The following HHIP variants were observed in gnomAD, a reference collection of about 807,000 sequenced individuals.
HHIP encodes the protein hedgehog interacting protein, also known as hedgehog-interacting protein.
HHIP carries 12 observed loss-of-function variants against 74.0 expected under a neutral mutation model. The ratio of observed to expected loss-of-function variants is 0.16; its 90% CI spans 0.10 to 0.26. The LOEUF is 0.26. Among genes scored for constraint, HHIP ranks in the 10% least tolerant of loss-of-function variants. HHIP has a pLI of 1.00. For synonymous variants in HHIP, 309 were observed against 311.6 expected (o/e 0.99, Z 0.09); for missense variants, 788 against 845.0 (o/e 0.93, Z 0.84).
chr4:144,650,937 T>G lies in HHIP; in HGVS notation c.280-1668T>G, dbSNP rs148941043. 6.1e-4 allele frequency: 93 copies of G among 152,218 alleles called. 2 individuals are homozygous for G. Among genetic ancestry groups the G allele is most frequent in the African/African-American group, 2.2e-3 (92 of 41,582 alleles). The allele number at this position is 152,218 out of a possible 1,614,324, so 9.4% of individuals were successfully genotyped here. On this transcript the variant is annotated intron_variant, in intron 1 of 12. Transcript: ENST00000296575. ...CAGCTATAAAAAATGGAAGAATGCA[T>G]AATCTCCATAAAACCAAAGGTAATT...
intron 4 of HHIP, among the ~76,000 whole-genome samples, chr4:144,666,175 A>G (rs919588519): frequency 6.6e-6 from 1 of 151,892 alleles, no homozygotes; most frequent in Non-Finnish European, 1.5e-5. Flanking sequence ...ACATCACAAA[A>G]CTATCTCTAA....
chr4:144,713,245 A>G (rs1029344484), intron 8 of HHIP, among the ~76,000 whole-genome samples: 1 of 152,120 alleles, frequency 6.6e-6, no homozygotes, highest in Admixed American at 6.6e-5. Flanking sequence ...TAATTGTCAC[A>G]CAACACAAAG....
intron 4 of HHIP, among the ~76,000 whole-genome samples, chr4:144,678,930 T>G (rs903145932): frequency 3.3e-5 from 5 of 152,220 alleles, no homozygotes; most frequent in Admixed American, 6.5e-5. Context: ...GTATTTCCGG[T>G]TCTAGATCCT....
chr4:144,693,744 G>T (rs555992011), intron 4 of HHIP, among the ~76,000 whole-genome samples: 21 of 151,762 alleles, frequency 1.4e-4, no homozygotes, highest in Non-Finnish European at 2.7e-4. Flanking sequence ...GAATGGAGTA[G>T]ACCATAATTT....
intron 3 of HHIP, 130 bp from the exon 4 acceptor site, chr4:144,659,505 TGG>T (rs1289949835): frequency 3.7e-6 from 2 of 539,750 alleles, no homozygotes; most frequent in Non-Finnish European, 6.2e-6. Flanking sequence ...TTGTGACCCT[TGG>T]GTTAGCAAGC....
intron 4 of HHIP, among the ~76,000 whole-genome samples, chr4:144,704,271 T>C (rs551253817): frequency 1.8e-4 from 27 of 152,298 alleles, no homozygotes; most frequent in Non-Finnish European, 3.1e-4. Context: ...GACCCAAAAA[T>C]GAGATCATAT....
At chr4:144,728,422 AAGAT>A (rs1303575691) in intron 11 of HHIP, among the ~76,000 whole-genome samples, 16 of 152,334 alleles carry the variant, frequency 1.1e-4, no homozygotes, top group African/African-American at 3.6e-4. Flanking sequence ...ATGTAAAAAT[AAGAT>A]AGAACATTAG....
At chr4:144,689,418 T>C (rs753432012) in intron 4 of HHIP, among the ~76,000 whole-genome samples, 3 of 152,218 alleles carry the variant, frequency 2.0e-5, no homozygotes, top group Non-Finnish European at 4.4e-5. Flanking sequence ...TGTTACCGCT[T>C]AATACTTTGC....
At chr4:144,711,523 T>C (rs1319367956) in intron 7 of HHIP, among the ~76,000 whole-genome samples, 2 of 152,044 alleles carry the variant, frequency 1.3e-5, no homozygotes, top group African/African-American at 4.8e-5. Flanking sequence ...CAGTGTGTGA[T>C]GTTTCCCTCC....
intron 2 of HHIP, among the ~76,000 whole-genome samples, chr4:144,653,603 T>A (rs1375882041): frequency 6.6e-6 from 1 of 152,178 alleles, no homozygotes; most frequent in Non-Finnish European, 1.5e-5. Context: ...CAAGACATTC[T>A]GTTTAGTTGG....
chr4:144,726,744 G>A (rs1190751599), intron 11 of HHIP, among the ~76,000 whole-genome samples: 4 of 152,196 alleles, frequency 2.6e-5, no homozygotes, highest in Non-Finnish European at 4.4e-5. Flanking sequence ...CAGCCTAGCT[G>A]TTGCACAAGC....
chr4:144,652,231 T>C (rs943481890), intron 1 of HHIP, among the ~76,000 whole-genome samples: 1 of 152,090 alleles, frequency 6.6e-6, no homozygotes, highest in African/African-American at 2.4e-5. Context: ...TTGCATGCGA[T>C]TGGACAAAGG....
At position 144,740,051 on chromosome 4, in the gene HHIP, A is replaced by T. The variant is rs781015511; in HGVS notation, c.*2094A>T. ...TTACCATCTAATTGTCCCTTATTCA[A>T]CGTGGGTGACATTAACAAAATGTGA... On this transcript the variant is annotated 3_prime_UTR_variant, in exon 13 of 13. Transcript: ENST00000296575. 6 of 152,168 alleles carry T rather than the reference A, an allele frequency of 3.9e-5. No homozygotes were observed. The highest frequency in any genetic ancestry group is 5.9e-5 in the Non-Finnish European group (4 of 68,024). The allele number at this position is 152,168 out of a possible 1,614,324, so 9.4% of individuals were successfully genotyped here. A position where few individuals can be genotyped will look rare whatever the true frequency, so the allele number is the denominator to read the frequency against.
rs869028218 is a variant in HHIP at position 144,716,854 on chromosome 4, GAAAAAAAAAAAAAAAAAAAA to G, written c.1678+1439_1678+1458del. Among the ~76,000 whole-genome samples, 68 of 54,664 alleles carry G rather than the reference GAAAAAAAAAAAAAAAAAAAA, an allele frequency of 1.2e-3. 2 individuals carry two copies. In the South Asian group the frequency reaches 0.039, roughly 31 times the overall value. 35.9% of individuals were successfully genotyped at this position (54,664 alleles called of 152,430 possible). A position where few individuals can be genotyped will look rare whatever the true frequency, so the allele number is the denominator to read the frequency against. On this transcript the variant is annotated intron_variant, in intron 10 of 12. Coordinates refer to ENST00000296575, the MANE Select transcript of HHIP (RefSeq NM_022475.3). ...ACATGAGCAAAACTCCGTCTCAAAA[GAAAAAAAAAAAAAAAAAAAA>G]AAAAAAAAAAAAAAGTAAAAGAATG...
intron 4 of HHIP, among the ~76,000 whole-genome samples, chr4:144,679,823 G>A (rs1729286393): frequency 6.6e-6 from 1 of 152,136 alleles, no homozygotes; most frequent in South Asian, 2.1e-4. Context: ...GAAATATGCA[G>A]GACATTTCTG....
chr4:144,722,177 A>G (rs1730657426), intron 11 of HHIP, among the ~76,000 whole-genome samples: 2 of 152,306 alleles, frequency 1.3e-5, no homozygotes, highest in South Asian at 4.1e-4. Flanking sequence ...AACTGAGGAC[A>G]AAATCTTGGC....
chr4:144,734,136 AC>A (rs1480403385), intron 11 of HHIP, among the ~76,000 whole-genome samples: 11 of 151,826 alleles, frequency 7.2e-5, no homozygotes, highest in Admixed American at 5.3e-4. Context: ...TTAAACTTCA[AC>A]TCAATAGTAT....
At chr4:144,725,099 T>G (rs1321735245) in intron 11 of HHIP, among the ~76,000 whole-genome samples, 1 of 152,182 alleles carries the variant, frequency 6.6e-6, no homozygotes, top group Non-Finnish European at 1.5e-5. Flanking sequence ...GAATATCTTA[T>G]ACTTTTATAG....
In HHIP at chr4:144,741,959, T is replaced by C. The variant is rs185487033; in HGVS notation, c.*4002T>C. ...TATAAAATGTTACCTATACTGTCAGTGTTCACCTCCTCTCCCTCCCTCCTT... is the reference window on the plus strand; with the variant it reads ...TATAAAATGTTACCTATACTGTCAGCGTTCACCTCCTCTCCCTCCCTCCTT... On this transcript the variant is annotated 3_prime_UTR_variant, in exon 13 of 13. Coordinates refer to ENST00000296575, the MANE Select transcript of HHIP (RefSeq NM_022475.3). 147 of 152,144 alleles carry C rather than the reference T, an allele frequency of 9.7e-4. No homozygotes were observed. The highest frequency in any genetic ancestry group is 3.3e-3 in the African/African-American group (139 of 41,510). The allele number at this position is 152,144 out of a possible 1,614,324, so 9.4% of individuals were successfully genotyped here. A position where few individuals can be genotyped will look rare whatever the true frequency, so the allele number is the denominator to read the frequency against.
Sources: allele counts gnomAD v4.1 joint callset (sites outside exome capture counted in the v4.1 genomes callset), GRCh38; gene constraint gnomAD v4.1.1; transcripts MANE v1.5; gene names NCBI Gene and HGNC (gene_info 2026-07-23, HGNC 2026-07-21).